Variants in PTPRE observed in about 807,000 individuals in gnomAD.
The protein encoded by PTPRE is receptor-type tyrosine-protein phosphatase epsilon.
A neutral mutation model predicts 102.0 loss-of-function variants in PTPRE; 51 were observed. The observed-to-expected ratio is 0.50, with a 90% CI of 0.40 to 0.63. The LOEUF (loss-of-function observed/expected upper bound fraction) is 0.63, where lower values mean the gene tolerates loss of function less well. PTPRE is among the 30% of genes least tolerant of loss of function. PTPRE has a pLI of 0.00. For missense variants in PTPRE, 752 were observed against 915.1 expected (o/e 0.82, Z 2.30); for synonymous variants, 345 against 348.2 (o/e 0.99, Z 0.10).
intron 2 of PTPRE, among the ~76,000 whole-genome samples, chr10:128,018,626 C>A (rs573734729): frequency 1.3e-5 from 2 of 152,272 alleles, no homozygotes; most frequent in East Asian, 3.9e-4. Flanking sequence ...GAGAGGCCGC[C>A]TCCCCACAGC....
In PTPRE at chr10:128,077,928, T is replaced by G. The variant is rs1041024799; in HGVS notation, c.1892+145T>G. ...TCCTCTCTACCTCTCCTTACACACA[T>G]GCACACACGACTTCACTTAAGTACA... On this transcript the variant is annotated intron_variant, in intron 19 of 20. Coordinates refer to ENST00000254667, the MANE Select transcript of PTPRE (RefSeq NM_006504.6). The G allele has an allele frequency of 8.3e-6, 7 of 843,714 alleles. No individual in the cohort carries two copies. In the Admixed American group the frequency reaches 1.6e-4, roughly 19 times the overall value. 52.3% of individuals were successfully genotyped at this position (843,714 alleles called of 1,614,324 possible). A position where few individuals can be genotyped will look rare whatever the true frequency, so the allele number is the denominator to read the frequency against.
intron 2 of PTPRE, among the ~76,000 whole-genome samples, chr10:128,031,665 G>A (rs1317655162): frequency 3.3e-5 from 5 of 152,200 alleles, no homozygotes; most frequent in East Asian, 1.9e-4. Flanking sequence ...GCCAGATGAC[G>A]GGCAGGTGCA....
chr10:127,943,067 T>G (rs1286348119), intron 1 of PTPRE, among the ~76,000 whole-genome samples: 1 of 152,200 alleles, frequency 6.6e-6, no homozygotes, highest in Non-Finnish European at 1.5e-5. Flanking sequence ...TGTTTTATTC[T>G]TCTCTTCCCA....
intron 3 of PTPRE, among the ~76,000 whole-genome samples, chr10:128,041,859 C>G (rs1436001048): frequency 6.6e-6 from 1 of 151,916 alleles, no homozygotes; most frequent in African/African-American, 2.4e-5. Flanking sequence ...ACATCAAGAG[C>G]CCCACATGAT....
chr10:128,031,565 C>A (rs539811445), intron 2 of PTPRE, among the ~76,000 whole-genome samples: 1 of 152,200 alleles, frequency 6.6e-6, no homozygotes, highest in African/African-American at 2.4e-5. Context: ...ATGTTTCCCA[C>A]GACCCTGCCA....
chr10:128,068,114 C>T lies in PTPRE; in HGVS notation c.844-9C>T, dbSNP rs368829820. ...TTCACCCACTCTTGTCTCCCCGCGT[C>T]CCCCGCAGCAGCTCCCCGACGGCTG... On this transcript the variant is annotated splice_polypyrimidine_tract_variant and intron_variant, in intron 11 of 20. Coordinates refer to ENST00000254667, the MANE Select transcript of PTPRE (RefSeq NM_006504.6). The T allele has an allele frequency of 8.0e-5, 128 of 1,609,368 alleles. No individual in the cohort carries two copies. The African/African-American group carries it at 1.5e-3, about 18-fold the overall frequency.
At chr10:128,011,480 G>A (rs559817825) in intron 2 of PTPRE, among the ~76,000 whole-genome samples, 3 of 152,318 alleles carry the variant, frequency 2.0e-5, no homozygotes, top group South Asian at 2.1e-4. Context: ...GCGGGTGCGC[G>A]GTAGACGTTC....
intron 2 of PTPRE, among the ~76,000 whole-genome samples, chr10:128,033,471 G>A (rs1439062103): frequency 6.6e-6 from 1 of 152,118 alleles, no homozygotes; most frequent in Admixed American, 6.5e-5. Flanking sequence ...TCCTGTCAAA[G>A]GCAAGACCTT....
At chr10:127,924,568 G>A (rs1644732177) in intron 1 of PTPRE, among the ~76,000 whole-genome samples, 1 of 151,432 alleles carries the variant, frequency 6.6e-6, no homozygotes, top group Admixed American at 6.6e-5. Flanking sequence ...GGCAGACATG[G>A]GATTGTCAGC....
chr10:127,995,953 G>T (rs943167860), intron 2 of PTPRE, among the ~76,000 whole-genome samples: 2 of 152,090 alleles, frequency 1.3e-5, no homozygotes, highest in Non-Finnish European at 2.9e-5. Flanking sequence ...TTTCTTTGAG[G>T]GTTCAGCAAG....
Position 128,073,322 on chromosome 10 carries a change from C to T in PTPRE, c.1465-15C>T, listed in dbSNP as rs770804246. 38 of 1,613,448 alleles carry T rather than the reference C, an allele frequency of 2.4e-5. No individual in the cohort carries two copies. Among genetic ancestry groups the T allele is most frequent in the East Asian group, 2.0e-4 (9 of 44,890 alleles). On this transcript the variant is annotated splice_polypyrimidine_tract_variant and intron_variant, in intron 16 of 20. Transcript: ENST00000254667. ...GAAGGAAGTCAGACTCTAACCTCTG[C>T]GCCTCCATTTGAAGGGCTACCGACA... is the stretch of plus-strand genomic sequence containing the variant.
intron 10 of PTPRE, among the ~76,000 whole-genome samples, 170 bp downstream of exon 10, chr10:128,063,350 TC>T (rs1163758585): frequency 2.0e-5 from 3 of 152,094 alleles, no homozygotes; most frequent in African/African-American, 7.2e-5. Flanking sequence ...ACGAAACAAA[TC>T]CCCTGTGTCC....
intron 1 of PTPRE, among the ~76,000 whole-genome samples, chr10:127,950,215 C>G (rs1211312069): frequency 6.6e-6 from 1 of 152,024 alleles, no homozygotes; most frequent in African/African-American, 2.4e-5. Flanking sequence ...AGGGTATGGA[C>G]TAACAGAGAC....
intron 2 of PTPRE, among the ~76,000 whole-genome samples, chr10:127,985,933 A>T (rs61873718): frequency 0.1 from 15,927 of 152,098 alleles, 1,003 homozygotes; most frequent in East Asian, 0.2. Context: ...TCTACTAAAA[A>T]TAAAAAAATT....
At position 127,961,694 on chromosome 10, in the gene PTPRE, C is replaced by T. The variant is rs550060201; in HGVS notation, c.-30-20580C>T. Among the ~76,000 whole-genome samples, 28 of 152,278 alleles carry T rather than the reference C, an allele frequency of 1.8e-4. 1 individual carries two copies. The highest frequency in any genetic ancestry group is 6.3e-4 in the African/African-American group (26 of 41,552). On this transcript the variant is annotated intron_variant, in intron 1 of 20. Coordinates refer to ENST00000254667, the MANE Select transcript of PTPRE (RefSeq NM_006504.6). ...GCTGTCCTTTACTGTGTGACTCTCC[C>T]CAGCGTCTTGTCTGTCCCTTCCTAC...
intron 20 of PTPRE, among the ~76,000 whole-genome samples, chr10:128,082,195 C>CTCTCTCTTTT (rs1554951767): frequency 1.1e-5 from 1 of 89,036 alleles, no homozygotes; most frequent in Non-Finnish European, 2.2e-5. Flanking sequence ...TTTTCTCTTT[C>CTCTCTCTTTT]TTTTTTTTTT....
At chr10:128,077,125 A>G (rs573740217) in intron 18 of PTPRE, among the ~76,000 whole-genome samples, 1 of 152,286 alleles carries the variant, frequency 6.6e-6, no homozygotes, top group East Asian at 1.9e-4. Flanking sequence ...ACTCGGGGTC[A>G]GCTGTAGGTA....
Position 128,047,457 on chromosome 10 carries a change from C to A in PTPRE, c.177C>A (p.Leu59=). ...AWLLLPLLLL[L]LVLLLAAYFF... Reference sequence around the variant, plus strand: ...TGCTACTGCCGCTGCTGCTCCTCCTCCTCGTGCTCCTTCTCGCCGCCTACT... The same window carrying A: ...TGCTACTGCCGCTGCTGCTCCTCCTACTCGTGCTCCTTCTCGCCGCCTACT... Residue 59 remains leucine (L), a synonymous_variant, in exon 4 of 21, where the codon CTC becomes CTA. Coordinates refer to ENST00000254667, the MANE Select transcript of PTPRE (RefSeq NM_006504.6). 2 of 1,613,432 alleles carry A rather than the reference C, an allele frequency of 1.2e-6. No individual in the cohort carries two copies. The highest frequency in any genetic ancestry group is 2.7e-5 in the African/African-American group (2 of 75,036).
chr10:127,945,618 T>G (rs1253180314), intron 1 of PTPRE, among the ~76,000 whole-genome samples: 1 of 152,184 alleles, frequency 6.6e-6, no homozygotes, highest in Non-Finnish European at 1.5e-5. Flanking sequence ...AAGTAGGTCA[T>G]ATGTCCCCAG....
Sources: gnomAD v4.1 joint callset for allele counts (sites outside exome capture counted in the v4.1 genomes callset) on GRCh38, gnomAD v4.1.1 for gene constraint, MANE v1.5 for transcripts, NCBI Gene and HGNC (gene_info 2026-07-23, HGNC 2026-07-21) for gene names.